CNTN3: variants seen among roughly 807,000 people sequenced by gnomAD.
CNTN3 encodes contactin-3.
A neutral mutation model predicts 119.1 loss-of-function variants in CNTN3; 60 were observed. The observed-to-expected ratio is 0.50, with a 90% confidence interval of 0.41 to 0.62. The LOEUF (loss-of-function observed/expected upper bound fraction) is 0.62, where lower values mean the gene tolerates loss of function less well. Ranked by LOEUF, CNTN3 falls within the 20% of genes least tolerant of loss-of-function variation. The pLI is 0.00. For missense variants in CNTN3, 1,101 were observed against 1,242.4 expected (o/e 0.89, Z 1.71); for synonymous variants, 450 against 438.7 (o/e 1.03, Z -0.32).
chr3:74,468,507 A>G (rs569781399), intron 4 of CNTN3, among the ~76,000 whole-genome samples: 4 of 152,326 alleles, frequency 2.6e-5, no homozygotes, highest in South Asian at 2.1e-4. Flanking sequence ...ATTTCCATCA[A>G]TGGGCCCATA....
At chr3:74,578,463 T>G (rs1704452557) in intron 1 of CNTN3, among the ~76,000 whole-genome samples, 1 of 152,052 alleles carries the variant, frequency 6.6e-6, no homozygotes, top group Admixed American at 6.6e-5. Flanking sequence ...TGAGAGGACT[T>G]TTCTTACATA....
chr3:74,517,137 T>C (rs966011382), intron 2 of CNTN3, among the ~76,000 whole-genome samples: 1 of 151,926 alleles, frequency 6.6e-6, no homozygotes, highest in African/African-American at 2.4e-5. Context: ...AGAATCCATC[T>C]AGGAGAGGGA....
intron 1 of CNTN3, among the ~76,000 whole-genome samples, chr3:74,544,687 C>G (rs1012063730): frequency 6.6e-6 from 1 of 152,174 alleles, no homozygotes; most frequent in Non-Finnish European, 1.5e-5. Flanking sequence ...CAACCTCCAC[C>G]TCCCAGGTTC....
chr3:74,391,857 C>T (rs1704916121), intron 5 of CNTN3, among the ~76,000 whole-genome samples: 3 of 152,120 alleles, frequency 2.0e-5, no homozygotes, highest in Non-Finnish European at 4.4e-5. Context: ...GGGGTTTCAC[C>T]ATGTTGGTCA....
At chr3:74,370,508 G>T (rs1021343853) in intron 6 of CNTN3, among the ~76,000 whole-genome samples, 8 of 152,048 alleles carry the variant, frequency 5.3e-5, no homozygotes, top group South Asian at 2.1e-4. Context: ...CCTAGTAGCA[G>T]AGATACCAAT....
chr3:74,289,378 C>T (rs1039407339), intron 19 of CNTN3, among the ~76,000 whole-genome samples: 5 of 152,142 alleles, frequency 3.3e-5, no homozygotes, highest in Non-Finnish European at 7.3e-5. Flanking sequence ...AACAGGCAAG[C>T]GGCAATGCAT....
At chr3:74,436,939 C>T (rs548837259) in intron 4 of CNTN3, among the ~76,000 whole-genome samples, 20 of 152,054 alleles carry the variant, frequency 1.3e-4, no homozygotes, top group Non-Finnish European at 2.5e-4. Flanking sequence ...CAAAGAAGAA[C>T]GCTTGGCACA....
chr3:74,452,133 C>A (rs1702170208), intron 4 of CNTN3, among the ~76,000 whole-genome samples: 2 of 143,662 alleles, frequency 1.4e-5, no homozygotes, highest in South Asian at 2.3e-4. Flanking sequence ...GATATTGATT[C>A]TTCCTACCCA....
intron 4 of CNTN3, among the ~76,000 whole-genome samples, chr3:74,481,694 T>C (rs1702765826): frequency 1.3e-5 from 2 of 151,598 alleles, no homozygotes; most frequent in African/African-American, 4.8e-5. Context: ...GTTAAGTAAT[T>C]TGAAAAGAAC....
chr3:74,370,884 A>T (rs1181136005), intron 6 of CNTN3, among the ~76,000 whole-genome samples: 1 of 152,156 alleles, frequency 6.6e-6, no homozygotes, highest in Admixed American at 6.6e-5. Context: ...CCCCGGGCTC[A>T]GAAGGGTCTC....
chr3:74,291,861 G>C (rs917592700), intron 19 of CNTN3, among the ~76,000 whole-genome samples: 3 of 152,120 alleles, frequency 2.0e-5, no homozygotes, highest in Non-Finnish European at 4.4e-5. Flanking sequence ...TTTGGTGAGT[G>C]AGAAATCACT....
chr3:74,303,489 T>G (rs572410949), intron 13 of CNTN3, among the ~76,000 whole-genome samples: 3 of 152,240 alleles, frequency 2.0e-5, no homozygotes, highest in African/African-American at 7.2e-5. Flanking sequence ...GGTCAGGAGT[T>G]TGAGACCAGC....
intron 2 of CNTN3, among the ~76,000 whole-genome samples, chr3:74,511,693 C>T (rs1244120113): frequency 6.6e-6 from 1 of 151,966 alleles, no homozygotes; most frequent in Non-Finnish European, 1.5e-5. Context: ...AGGAACATTT[C>T]ATAACGTGAA....
chr3:74,492,470 T>C (rs1702982323), intron 3 of CNTN3, among the ~76,000 whole-genome samples: 1 of 152,188 alleles, frequency 6.6e-6, no homozygotes, highest in African/African-American at 2.4e-5. Context: ...CCAAGCCTAA[T>C]AAAATATAAT....
intron 5 of CNTN3, among the ~76,000 whole-genome samples, chr3:74,399,331 T>C (rs1301321665): frequency 2.0e-5 from 3 of 152,000 alleles, no homozygotes; most frequent in African/African-American, 7.3e-5. Flanking sequence ...TGTGTGTTGT[T>C]CCCCCCATCC....
chr3:74,411,578 A>G (rs1216592591), intron 5 of CNTN3, among the ~76,000 whole-genome samples: 1 of 152,146 alleles, frequency 6.6e-6, no homozygotes, highest in Non-Finnish European at 1.5e-5. Context: ...TTCTTTTTTA[A>G]TTGTCCTCAT....
At chr3:74,447,057 G>A (rs1702062543) in intron 4 of CNTN3, among the ~76,000 whole-genome samples, 1 of 152,140 alleles carries the variant, frequency 6.6e-6, no homozygotes, top group Admixed American at 6.6e-5. Context: ...GTGTACAGAT[G>A]GCACACTTCA....
chr3:74,418,342 C>CTTTTTTTTT (rs56258495), intron 5 of CNTN3, among the ~76,000 whole-genome samples: 17,371 of 98,924 alleles, frequency 0.18, 2,754 homozygotes, highest in African/African-American at 0.19. Flanking sequence ...AAACATATTC[C>CTTTTTTTTT]TTTTTTTTTT....
chr3:74,300,651 C>T (rs1056205195), intron 16 of CNTN3, among the ~76,000 whole-genome samples: 1 of 152,192 alleles, frequency 6.6e-6, no homozygotes, highest in East Asian at 1.9e-4. Flanking sequence ...CTGAGTGAAA[C>T]AGCATCATGA....
Sources: gnomAD v4.1 joint callset for allele counts (sites outside exome capture counted in the v4.1 genomes callset) on GRCh38, gnomAD v4.1.1 for gene constraint, MANE v1.5 for transcripts, NCBI Gene and HGNC (gene_info 2026-07-23, HGNC 2026-07-21) for gene names.